The following FBXO22 variants were observed in gnomAD, a reference collection of about 807,000 sequenced individuals.
The protein encoded by FBXO22 is F-box only protein 22.
FBXO22 carries 13 observed loss-of-function variants against 37.2 expected under a neutral mutation model. The observed-to-expected ratio is 0.35, with a 90% CI of 0.23 to 0.56. FBXO22 has a LOEUF of 0.56. Among genes scored for constraint, FBXO22 ranks in the 20% least tolerant of loss-of-function variants. FBXO22 has a pLI of 0.87. For missense variants in FBXO22, 446 were observed against 509.9 expected, an observed-to-expected ratio of 0.87 and a Z score of 1.21; for synonymous variants, 189 against 189.1, an observed-to-expected ratio of 1.00 and a Z score of 0.00.
chr15:75,909,048 T>TC (rs1232387678), intron 2 of FBXO22, among the ~76,000 whole-genome samples: 1 of 152,214 alleles, frequency 6.6e-6, no homozygotes, highest in Non-Finnish European at 1.5e-5. Flanking sequence ...CCTAAGTACT[T>TC]CATTTTATTC....
At position 75,914,187 on chromosome 15, in the gene FBXO22, G is replaced by T. The variant is rs1900132640; in HGVS notation, c.445G>T (p.Val149Leu). The change falls in exon 4 of 7, where the codon GTG (valine) becomes TTG (leucine). Residue 149 changes from valine to leucine, a missense_variant. Val to Leu is a conservative substitution (Grantham distance 32). Around this residue, in one of 2 missense-constraint regions of FBXO22, gnomAD observed 315 missense variants for 410.1 expected, o/e 0.77. Coordinates refer to ENST00000308275, the MANE Select transcript of FBXO22 (RefSeq NM_147188.3). ...CAAACAATGCCAAGTCCTTGGGATTGTGACCCCAGGAATTGTAGGTGAGAT... is the reference window on the plus strand; with the variant it reads ...CAAACAATGCCAAGTCCTTGGGATTTTGACCCCAGGAATTGTAGGTGAGAT... ...FPKQCQVLGI[V>L]TPGIVVTPMG... 6.2e-7 allele frequency: 1 copy of T among 1,612,942 alleles called. No homozygotes were observed. The highest frequency in any genetic ancestry group is 1.7e-5 in the Admixed American group (1 of 59,930).
chr15:75,931,334 T>G (rs2030002467), intron 6 of FBXO22, among the ~76,000 whole-genome samples: 1 of 152,080 alleles, frequency 6.6e-6, no homozygotes. Flanking sequence ...GTCTTCATAC[T>G]CTGTCAGTGG....
chr15:75,922,816 A>C (rs1449423410), intron 5 of FBXO22, among the ~76,000 whole-genome samples: 3 of 152,170 alleles, frequency 2.0e-5, no homozygotes, highest in Non-Finnish European at 4.4e-5. Flanking sequence ...GGAAATGAAC[A>C]AATGATTAGA....
chr15:75,918,546 T>G (rs771212910), intron 5 of FBXO22, among the ~76,000 whole-genome samples: 1 of 152,178 alleles, frequency 6.6e-6, no homozygotes, highest in African/African-American at 2.4e-5. Context: ...TGAAGAGATA[T>G]CTGCACTCCC....
intron 2 of FBXO22, among the ~76,000 whole-genome samples, chr15:75,910,124 TC>T (rs1051020377): frequency 6.6e-6 from 1 of 152,250 alleles, no homozygotes; most frequent in African/African-American, 2.4e-5. Context: ...TGCATAGTGT[TC>T]CATGGTGTAT....
At chr15:75,907,121 A>G (rs1899947212) in intron 2 of FBXO22, among the ~76,000 whole-genome samples, 1 of 152,204 alleles carries the variant, frequency 6.6e-6, no homozygotes, top group Admixed American at 6.5e-5. Context: ...ATTTTTCTAT[A>G]GCTTTAAGAG....
intron 5 of FBXO22, among the ~76,000 whole-genome samples, chr15:75,927,975 C>T (rs560431434): frequency 6.6e-6 from 1 of 152,290 alleles, no homozygotes; most frequent in South Asian, 2.1e-4. Context: ...AGAAGACATA[C>T]ATGCGGCCAA....
At position 75,933,726 on chromosome 15, in the gene FBXO22, T is replaced by TC; in HGVS notation, c.*624_*625insC. The stretch of plus-strand genomic sequence containing the variant: ...GATTTTTCTTCTTTCCTTAAAAATA[T>TC]TTTTTTTTCACCTAGGTCTAAATAG... On this transcript the variant is annotated 3_prime_UTR_variant, in exon 7 of 7. Transcript: ENST00000308275. 1 of 276,126 alleles carries TC rather than the reference T, an allele frequency of 3.6e-6. No homozygotes were observed. Among genetic ancestry groups the TC allele is most frequent in the Non-Finnish European group, 7.1e-6 (1 of 140,410 alleles). 17.1% of individuals were successfully genotyped at this position (276,126 alleles called of 1,614,324 possible).
chr15:75,912,892 G>A (rs1595912280), intron 2 of FBXO22, among the ~76,000 whole-genome samples: 2 of 152,278 alleles, frequency 1.3e-5, no homozygotes, highest in Middle Eastern at 3.4e-3. Context: ...GCTTTCTCCT[G>A]TGTGCATTTA....
intron 2 of FBXO22, among the ~76,000 whole-genome samples, chr15:75,908,665 A>G (rs1053496344): frequency 5.3e-5 from 8 of 152,076 alleles, no homozygotes; most frequent in African/African-American, 1.9e-4. Flanking sequence ...AGGGTCAGGT[A>G]GCTCAATAGT....
Position 75,919,801 on chromosome 15 carries a change from C to T in FBXO22, c.628+2407C>T, listed in dbSNP as rs566591482. Among the ~76,000 whole-genome samples the T allele has an allele frequency of 5.3e-5, 8 of 152,262 alleles. No homozygotes were observed. In the East Asian group the frequency reaches 1.5e-3, roughly 29 times the overall value. On this transcript the variant is annotated intron_variant, in intron 5 of 6. Coordinates refer to ENST00000308275, the MANE Select transcript of FBXO22 (RefSeq NM_147188.3). The stretch of plus-strand genomic sequence containing the variant: ...CTTAGCTCATTCAGAAGCCACATGC[C>T]AGAGGAGCATACATGTGTCTGGGCT...
intron 3 of FBXO22, 38 bp from the exon 4 acceptor site, chr15:75,914,072 T>C (rs1432363456): frequency 7.0e-7 from 1 of 1,432,112 alleles, no homozygotes; most frequent in South Asian, 1.2e-5. Context: ...TGACTTTAAA[T>C]GGATGATATT....
chr15:75,905,277 A>G (rs1899902676), intron 2 of FBXO22, among the ~76,000 whole-genome samples: 1 of 152,184 alleles, frequency 6.6e-6, no homozygotes, highest in Non-Finnish European at 1.5e-5. Flanking sequence ...CTAGAAAGCC[A>G]AGAACCAAAA....
At chr15:75,922,890 TGG>T (rs1900357633) in intron 5 of FBXO22, among the ~76,000 whole-genome samples, 1 of 152,148 alleles carries the variant, frequency 6.6e-6, no homozygotes, top group African/African-American at 2.4e-5. Flanking sequence ...ACAAGGGTGA[TGG>T]TGGTGCAGAG....
chr15:75,931,942 A>G (rs1315816749), intron 6 of FBXO22, among the ~76,000 whole-genome samples: 1 of 152,230 alleles, frequency 6.6e-6, no homozygotes, highest in Non-Finnish European at 1.5e-5. Flanking sequence ...CTCTGAGTGC[A>G]GTGGCTCATG....
chr15:75,921,950 A>G (rs1900334679), intron 5 of FBXO22, among the ~76,000 whole-genome samples: 1 of 152,086 alleles, frequency 6.6e-6, no homozygotes, highest in Non-Finnish European at 1.5e-5. Context: ...TCCTTCTGGA[A>G]TACGTCCTGA....
chr15:75,936,667 T>A lies in FBXO22; in HGVS notation c.*3565T>A, dbSNP rs1215129622. 2.6e-5 allele frequency: 4 copies of A among 152,062 alleles called. No individual in the cohort carries two copies. The highest frequency in any genetic ancestry group is 5.9e-5 in the Non-Finnish European group (4 of 68,026). 9.4% of individuals were successfully genotyped at this position (152,062 alleles called of 1,614,324 possible). On this transcript the variant is annotated 3_prime_UTR_variant, in exon 7 of 7. Coordinates refer to ENST00000308275, the MANE Select transcript of FBXO22 (RefSeq NM_147188.3). Reference sequence around the variant, plus strand: ...TCGACTCATTGCAACCTCCACCTCCTGGGTTCAAGTGATTCTGCTGCCTCA... The same window carrying A: ...TCGACTCATTGCAACCTCCACCTCCAGGGTTCAAGTGATTCTGCTGCCTCA...
Position 75,936,978 on chromosome 15 carries a change from A to AAAT in FBXO22, c.*3878_*3880dup, listed in dbSNP as rs1409780655. ...GATTAATTTAGAAGAAATTGAAAGA[A>AAAT]AATATATTTATTAATGTTGCTTTTA... is the stretch of plus-strand genomic sequence containing the variant. On this transcript the variant is annotated 3_prime_UTR_variant, in exon 7 of 7. Coordinates refer to ENST00000308275, the MANE Select transcript of FBXO22 (RefSeq NM_147188.3). 6.6e-6 allele frequency: 1 copy of AAAT among 152,220 alleles called. No individual in the cohort carries two copies. Among genetic ancestry groups the AAAT allele is most frequent in the Non-Finnish European group, 1.5e-5 (1 of 68,044 alleles). The allele number at this position is 152,220 out of a possible 1,614,324, so 9.4% of individuals were successfully genotyped here. A position where few individuals can be genotyped will look rare whatever the true frequency, so the allele number is the denominator to read the frequency against.
chr15:75,939,441 A>T lies in FBXO22; in HGVS notation c.*6339A>T, dbSNP rs2030711891. ...ATTAGTAATCAAAATTCTCCTGGAA[A>T]AAAAGCACTGGACCTGATGGTTTTC... On this transcript the variant is annotated 3_prime_UTR_variant, in exon 7 of 7. Coordinates refer to ENST00000308275, the MANE Select transcript of FBXO22 (RefSeq NM_147188.3). 6.6e-6 allele frequency: 1 copy of T among 152,200 alleles called. No individual in the cohort carries two copies. Among genetic ancestry groups the T allele is most frequent in the Admixed American group, 6.5e-5 (1 of 15,284 alleles). The allele number at this position is 152,200 out of a possible 1,614,324, so 9.4% of individuals were successfully genotyped here.
Sources: gnomAD v4.1 joint callset for allele counts (sites outside exome capture counted in the v4.1 genomes callset) on GRCh38, gnomAD v4.1.1 for gene constraint, gnomAD v4.1.1 regional missense constraint, MANE v1.5 for transcripts, NCBI Gene and HGNC (gene_info 2026-07-23, HGNC 2026-07-21) for gene names.